RBFOX1: variants seen among roughly 807,000 people sequenced by gnomAD.
The protein encoded by RBFOX1 is RNA binding protein fox-1 homolog 1.
RBFOX1 carries 8 observed loss-of-function variants against 57.7 expected under a neutral mutation model. That is an observed-to-expected ratio of 0.14 (90% CI 0.08 to 0.25). The LOEUF (loss-of-function observed/expected upper bound fraction) is 0.25. Among genes scored for constraint, RBFOX1 ranks in the 10% least tolerant of loss-of-function variants. The probability of loss-of-function intolerance (pLI) is 1.00; values close to 1 mark genes in which losing one functional copy is unlikely to be tolerated. For missense variants in RBFOX1, 611 were observed against 548.5 expected (o/e 1.11, Z -1.14); for synonymous variants, 326 against 222.4 (o/e 1.47, Z -4.15).
intron 1 of RBFOX1, among the ~76,000 whole-genome samples, chr16:6,139,341 G>C (rs957274167): frequency 6.6e-6 from 1 of 152,150 alleles, no homozygotes. Context: ...ACAGACCAAG[G>C]TGAGGTCCCA....
At chr16:7,301,296 C>T (rs1462524057) in intron 4 of RBFOX1, among the ~76,000 whole-genome samples, 1 of 152,136 alleles carries the variant, frequency 6.6e-6, no homozygotes, top group African/African-American at 2.4e-5. Flanking sequence ...GGACTTGTCC[C>T]TGTGTGTGAT....
chr16:5,994,927 C>T (rs2060466201), intron 4 of RBFOX1, among the ~76,000 whole-genome samples: 1 of 152,216 alleles, frequency 6.6e-6, no homozygotes, highest in Non-Finnish European at 1.5e-5. Flanking sequence ...AACTTGCCCA[C>T]AGCAAAAGTG....
At chr16:6,293,220 G>T (rs544319579) in intron 1 of RBFOX1, among the ~76,000 whole-genome samples, 4 of 152,302 alleles carry the variant, frequency 2.6e-5, no homozygotes, top group African/African-American at 9.6e-5. Context: ...GAGAGGTTAA[G>T]TAATGTGTAC....
At chr16:6,063,464 GACACACAC>G (rs772720519) in intron 1 of RBFOX1, among the ~76,000 whole-genome samples, 946 of 86,466 alleles carry the variant, frequency 0.011, 5 homozygotes, top group Non-Finnish European at 0.013. Flanking sequence ...CTCTTTCTCC[GACACACAC>G]ACACACACAC....
At position 7,010,779 on chromosome 16, in the gene RBFOX1, G is replaced by A. The variant is rs550419528; in HGVS notation, c.-15-41278G>A. Among the ~76,000 whole-genome samples the A allele has an allele frequency of 9.9e-5, 15 of 152,198 alleles. 1 individual carries two copies. Among genetic ancestry groups the A allele is most frequent in the Admixed American group, 3.3e-4 (5 of 15,278 alleles). ...ATGGTTTCTCCATGTTGGCCAGGCTGGTCTCAAACTCCTGGCCTCAAGTGA... is the reference window on the plus strand; with the variant it reads ...ATGGTTTCTCCATGTTGGCCAGGCTAGTCTCAAACTCCTGGCCTCAAGTGA... On this transcript the variant is annotated intron_variant, in intron 3 of 15. Transcript: ENST00000550418.
At chr16:7,074,895 C>T (rs145543928) in intron 4 of RBFOX1, among the ~76,000 whole-genome samples, 62 of 152,228 alleles carry the variant, frequency 4.1e-4, no homozygotes, top group African/African-American at 1.4e-3. Flanking sequence ...TCTCTAAAGC[C>T]ATCCCCCAGT....
chr16:6,784,259 GTTTTTAGGTTA>G (rs756609786), intron 3 of RBFOX1, among the ~76,000 whole-genome samples: 3 of 151,746 alleles, frequency 2.0e-5, no homozygotes, highest in Non-Finnish European at 4.4e-5. Flanking sequence ...TAGATTTGCC[GTTTTTAGGTTA>G]TTTTCTAAAT....
At chr16:6,697,770 C>G (rs748629737) in intron 3 of RBFOX1, among the ~76,000 whole-genome samples, 7 of 152,156 alleles carry the variant, frequency 4.6e-5, no homozygotes, top group Non-Finnish European at 8.8e-5. Context: ...CTGAGCAAAC[C>G]AGATCAACAG....
At chr16:7,477,262 C>T (rs142242552) in intron 4 of RBFOX1, among the ~76,000 whole-genome samples, 138 of 152,192 alleles carry the variant, frequency 9.1e-4, no homozygotes, top group African/African-American at 2.8e-3. Flanking sequence ...GTTCATCCAC[C>T]GGCAATGAGA....
intron 3 of RBFOX1, among the ~76,000 whole-genome samples, chr16:6,740,244 A>G (rs1394192023): frequency 6.6e-6 from 1 of 152,196 alleles, no homozygotes; most frequent in Non-Finnish European, 1.5e-5. Flanking sequence ...AAAAAATAAG[A>G]ATCGATAACA....
intron 4 of RBFOX1, among the ~76,000 whole-genome samples, chr16:7,122,645 C>G (rs1217685734): frequency 6.6e-6 from 1 of 152,088 alleles, no homozygotes; most frequent in African/African-American, 2.4e-5. Context: ...TGCAGACATT[C>G]TTAAAACATT....
At chr16:5,575,014 C>T (rs1044727718) in intron 2 of RBFOX1, among the ~76,000 whole-genome samples, 1 of 152,120 alleles carries the variant, frequency 6.6e-6, no homozygotes, top group South Asian at 2.1e-4. Flanking sequence ...AGATAACAAA[C>T]GGATACTTGA....
rs573625446 is a variant in RBFOX1 at position 6,110,853 on chromosome 16, C to G, written c.-127+90861C>G. ...GGCCAGAGACGGTGCTAATAATTCT[C>G]CAGTGCACAGCACCAGCCCCCACCA... On this transcript the variant is annotated intron_variant, in intron 1 of 15. Coordinates refer to ENST00000550418, the MANE Select transcript of RBFOX1 (RefSeq NM_018723.4). Among the ~76,000 whole-genome samples the G allele has an allele frequency of 2.0e-5, 3 of 152,252 alleles. No homozygotes were observed. The East Asian group carries it at 5.8e-4, about 29-fold the overall frequency.
chr16:5,405,427 C>T (rs34618680), intron 1 of RBFOX1, among the ~76,000 whole-genome samples: 3 of 152,068 alleles, frequency 2.0e-5, no homozygotes, highest in Non-Finnish European at 2.9e-5. Flanking sequence ...TGCCTATTGC[C>T]ATGTAAGATG....
In RBFOX1 at chr16:7,710,510, G is replaced by A; in HGVS notation, c.1072-113G>A. 4.5e-6 allele frequency: 7 copies of A among 1,568,996 alleles called. No individual in the cohort carries two copies. In the Admixed American group the frequency reaches 5.9e-5, roughly 13 times the overall value. Reference sequence around the variant, plus strand: ...GAATGACCTGGGATGGGTAGGGGGTGCCTCCATTTCGGTTGGTTTTGAGTG... The same window carrying A: ...GAATGACCTGGGATGGGTAGGGGGTACCTCCATTTCGGTTGGTTTTGAGTG... On this transcript the variant is annotated intron_variant, in intron 15 of 15. Coordinates refer to ENST00000550418, the MANE Select transcript of RBFOX1 (RefSeq NM_018723.4).
intron 4 of RBFOX1, among the ~76,000 whole-genome samples, chr16:5,870,425 C>G (rs1228583857): frequency 7.9e-6 from 1 of 126,750 alleles, no homozygotes; most frequent in Non-Finnish European, 1.7e-5. Flanking sequence ...AGAGAGAAAA[C>G]ACAAAATGTA....
intron 2 of RBFOX1, among the ~76,000 whole-genome samples, chr16:6,567,190 G>A (rs1191599229): frequency 6.6e-6 from 1 of 152,160 alleles, no homozygotes; most frequent in East Asian, 1.9e-4. Flanking sequence ...GTACCAAGCA[G>A]TCAGACTATT....
chr16:6,383,796 G>A (rs1270866526), intron 2 of RBFOX1, among the ~76,000 whole-genome samples: 1 of 151,776 alleles, frequency 6.6e-6, no homozygotes, highest in Non-Finnish European at 1.5e-5. Context: ...AAGAAAAACA[G>A]CACAACAAAC....
chr16:5,902,823 C>T (rs1272270027), intron 4 of RBFOX1, among the ~76,000 whole-genome samples: 2 of 152,158 alleles, frequency 1.3e-5, no homozygotes, highest in African/African-American at 4.8e-5. Flanking sequence ...ACTCTTTAAA[C>T]ACTGAACTAA....
Sources: gnomAD v4.1 joint callset for allele counts (sites outside exome capture counted in the v4.1 genomes callset) on GRCh38, gnomAD v4.1.1 for gene constraint, MANE v1.5 for transcripts, NCBI Gene and HGNC (gene_info 2026-07-23, HGNC 2026-07-21) for gene names.